Variants in DISC1 observed in about 807,000 individuals in gnomAD.
DISC1 encodes disrupted in schizophrenia 1 protein.
In DISC1, 57 loss-of-function variants were observed where a neutral mutation model predicts 84.5. The observed-to-expected ratio is 0.67, with a 90% CI of 0.55 to 0.84. The LOEUF (loss-of-function observed/expected upper bound fraction) is 0.84, where lower values mean the gene tolerates loss of function less well. Ranked by LOEUF, DISC1 falls within the 40% of genes least tolerant of loss-of-function variation. DISC1 has a pLI of 0.00. For missense variants in DISC1, 1,000 were observed against 1,057.8 expected, an observed-to-expected ratio of 0.95 and a Z score of 0.76; for synonymous variants, 411 against 415.2, an observed-to-expected ratio of 0.99 and a Z score of 0.12.
At chr1:231,909,570 T>A (rs2089000735) in intron 9 of DISC1, among the ~76,000 whole-genome samples, 2 of 152,216 alleles carry the variant, frequency 1.3e-5, no homozygotes, top group South Asian at 2.1e-4. Context: ...GGATTCTGTT[T>A]GCCAGTATTT....
At chr1:231,801,405 A>C (rs931833492) in intron 8 of DISC1, among the ~76,000 whole-genome samples, 2 of 152,238 alleles carry the variant, frequency 1.3e-5, no homozygotes, top group African/African-American at 4.8e-5. Context: ...GAAATGTATA[A>C]TTCAGGCAGC....
chr1:231,834,402 G>C (rs1393858431), intron 9 of DISC1, among the ~76,000 whole-genome samples: 3 of 152,118 alleles, frequency 2.0e-5, no homozygotes, highest in Non-Finnish European at 4.4e-5. Flanking sequence ...GGGATGAGTT[G>C]TACTGGGAAC....
At chr1:231,639,260 C>G (rs2059435188) in intron 1 of DISC1, among the ~76,000 whole-genome samples, 1 of 152,226 alleles carries the variant, frequency 6.6e-6, no homozygotes, top group African/African-American at 2.4e-5. Context: ...GAGCCTCCAT[C>G]TACACATTTC....
At chr1:231,688,823 G>A (rs1290909339) in intron 1 of DISC1, among the ~76,000 whole-genome samples, 1 of 152,166 alleles carries the variant, frequency 6.6e-6, no homozygotes, top group Non-Finnish European at 1.5e-5. Context: ...TATGGAAATG[G>A]ATTACATGAT....
At chr1:231,917,649 C>A (rs2089732414) in intron 9 of DISC1, among the ~76,000 whole-genome samples, 1 of 152,194 alleles carries the variant, frequency 6.6e-6, no homozygotes, top group African/African-American at 2.4e-5. Context: ...CTCCAGCACA[C>A]TGCATGCTAG....
At chr1:231,644,844 G>A (rs1257106100) in intron 1 of DISC1, among the ~76,000 whole-genome samples, 1 of 151,842 alleles carries the variant, frequency 6.6e-6, no homozygotes, top group Non-Finnish European at 1.5e-5. Context: ...AGTGGTCTTA[G>A]TTTCCCTGCA....
At chr1:231,796,477 C>T (rs2078777034) in intron 7 of DISC1, among the ~76,000 whole-genome samples, 1 of 151,972 alleles carries the variant, frequency 6.6e-6, no homozygotes, top group Admixed American at 6.6e-5. Flanking sequence ...GGAAACACGC[C>T]AAGGGATCAC....
intron 9 of DISC1, 110 bp downstream of exon 9, chr1:231,818,627 T>C: frequency 4.6e-6 from 7 of 1,518,276 alleles, no homozygotes; most frequent in Non-Finnish European, 6.2e-6. Flanking sequence ...AAGAGCGTCA[T>C]GGAGCACATG....
intron 6 of DISC1, among the ~76,000 whole-genome samples, chr1:231,792,527 G>A (rs2078425632): frequency 6.6e-6 from 1 of 152,154 alleles, no homozygotes; most frequent in South Asian, 2.1e-4. Context: ...TGCTCATATA[G>A]GTTCAATGAT....
chr1:231,817,994 A>G (rs932525107), intron 8 of DISC1, among the ~76,000 whole-genome samples: 2 of 152,160 alleles, frequency 1.3e-5, no homozygotes, highest in Admixed American at 1.3e-4. Flanking sequence ...ACATTTGTAT[A>G]TTATTGGAAT....
intron 9 of DISC1, among the ~76,000 whole-genome samples, chr1:231,950,520 G>T (rs1372252385): frequency 1.3e-5 from 2 of 152,168 alleles, no homozygotes; most frequent in African/African-American, 4.8e-5. Context: ...GCACGTGAGT[G>T]GGAGGCTGTG....
Position 232,009,381 on chromosome 1 carries a change from C to A in DISC1, c.2307+332C>A. The A allele has an allele frequency of 1.3e-6, 1 of 786,604 alleles. No homozygotes were observed. Among genetic ancestry groups the A allele is most frequent in the Non-Finnish European group, 1.6e-6 (1 of 634,342 alleles). The allele number at this position is 786,604 out of a possible 1,614,324, so 48.7% of individuals were successfully genotyped here. A position where few individuals can be genotyped will look rare whatever the true frequency, so the allele number is the denominator to read the frequency against. On this transcript the variant is annotated intron_variant, in intron 11 of 12. Transcript: ENST00000439617. This position sits in a 1 kb window ranked among gnomAD's most constrained non-coding sequence, Gnocchi z 4.6. The stretch of plus-strand genomic sequence containing the variant: ...TCATATATAATATAGTTATTATATT[C>A]ACTATAGATTATATATGCCATACAT...
chr1:231,742,591 G>A (rs1280101580), intron 3 of DISC1, among the ~76,000 whole-genome samples: 2 of 151,946 alleles, frequency 1.3e-5, no homozygotes, highest in Non-Finnish European at 2.9e-5. Flanking sequence ...TGGACAACAT[G>A]ACAAAACCCC....
chr1:231,961,439 A>G (rs930108764), intron 10 of DISC1, among the ~76,000 whole-genome samples: 3 of 152,044 alleles, frequency 2.0e-5, no homozygotes, highest in Non-Finnish European at 4.4e-5. Flanking sequence ...TGTTATATGG[A>G]TGTATCGTGC....
intron 9 of DISC1, among the ~76,000 whole-genome samples, chr1:231,870,954 A>G (rs2125951841): frequency 6.7e-6 from 1 of 148,602 alleles, no homozygotes; most frequent in East Asian, 2.0e-4. Flanking sequence ...ACTTTCTGAG[A>G]ATAAATGGGA....
intron 1 of DISC1, among the ~76,000 whole-genome samples, chr1:231,657,478 T>C (rs1334023474): frequency 2.6e-5 from 4 of 152,200 alleles, no homozygotes; most frequent in African/African-American, 9.6e-5. Flanking sequence ...AGAAGCTCTT[T>C]AGTTTAATTA....
At chr1:231,809,401 AT>A (rs11393649) in intron 8 of DISC1, among the ~76,000 whole-genome samples, 24 of 148,632 alleles carry the variant, frequency 1.6e-4, no homozygotes, top group African/African-American at 2.5e-4. Context: ...GTTTGGATAT[AT>A]TTTTTTTTTA....
chr1:231,632,453 C>T (rs924049812), intron 1 of DISC1, among the ~76,000 whole-genome samples: 2 of 152,298 alleles, frequency 1.3e-5, no homozygotes, highest in Admixed American at 6.5e-5. Context: ...AAAGTTTGAA[C>T]TCTCAGAGAA....
intron 2 of DISC1, among the ~76,000 whole-genome samples, chr1:231,701,100 G>A (rs2066360407): frequency 6.6e-6 from 1 of 152,194 alleles, no homozygotes; most frequent in South Asian, 2.1e-4. Flanking sequence ...GTTCTACATG[G>A]CTGGGGAAGC....
Sources: allele counts gnomAD v4.1 joint callset (sites outside exome capture counted in the v4.1 genomes callset), GRCh38; gene constraint gnomAD v4.1.1; non-coding constraint Gnocchi (gnomAD v3.1); transcripts MANE v1.5; gene names NCBI Gene and HGNC (gene_info 2026-07-23, HGNC 2026-07-21).